Variants in CREBBP observed in about 807,000 individuals in gnomAD.
The protein encoded by CREBBP is CREB-binding protein.
A neutral mutation model predicts 265.0 loss-of-function variants in CREBBP; 19 were observed. The ratio of observed to expected loss-of-function variants is 0.07; its 90% CI spans 0.05 to 0.11. The LOEUF (loss-of-function observed/expected upper bound fraction) is 0.11. Ranked by LOEUF, CREBBP falls within the 10% of genes least tolerant of loss-of-function variation. CREBBP has a pLI of 1.00. For missense variants in CREBBP, 2,525 were observed against 3,219.0 expected (o/e 0.78, Z 5.22); for synonymous variants, 1,457 against 1,223.7 (o/e 1.19, Z -3.98).
intron 2 of CREBBP, among the ~76,000 whole-genome samples, chr16:3,842,554 C>T (rs180992280): frequency 6.6e-6 from 1 of 152,172 alleles, no homozygotes; most frequent in African/African-American, 2.4e-5. Context: ...ATCATGCCTT[C>T]TATCACAAAA....
In CREBBP at chr16:3,749,613, A is replaced by G. The variant is rs777311050; in HGVS notation, c.3836+14T>C. The G allele has an allele frequency of 1.3e-6, 2 of 1,578,146 alleles. No individual in the cohort carries two copies. Among genetic ancestry groups the G allele is most frequent in the Non-Finnish European group, 1.7e-6 (2 of 1,148,506 alleles). ...CCAAAACTGAAAGTAAAAAAGAAATAGCTATATACTTACGGTTCGGGGTCT... is the reference window on the plus strand; with the variant it reads ...CCAAAACTGAAAGTAAAAAAGAAATGGCTATATACTTACGGTTCGGGGTCT... On this transcript the variant is annotated intron_variant, in intron 21 of 30. Coordinates refer to ENST00000262367, the MANE Select transcript of CREBBP (RefSeq NM_004380.3).
intron 5 of CREBBP, among the ~76,000 whole-genome samples, chr16:3,787,612 C>T (rs1327269590): frequency 6.6e-6 from 1 of 151,724 alleles, no homozygotes; most frequent in Admixed American, 6.6e-5. Context: ...GATCTTGACT[C>T]CATATAAAAA....
intron 3 of CREBBP, among the ~76,000 whole-genome samples, chr16:3,806,864 A>G (rs1312395403): frequency 6.6e-6 from 1 of 151,288 alleles, no homozygotes; most frequent in Non-Finnish European, 1.5e-5. Flanking sequence ...ACCAGTTCCT[A>G]CGCAAGCCAG....
At chr16:3,758,678 G>A (rs2052641450) in intron 17 of CREBBP, among the ~76,000 whole-genome samples, 176 bp downstream of exon 17, 1 of 152,158 alleles carries the variant, frequency 6.6e-6, no homozygotes, top group Admixed American at 6.5e-5. Context: ...ATGAACAGGT[G>A]AAATCAAACA....
At chr16:3,784,608 G>A (rs1468420255) in intron 5 of CREBBP, 1 of 152,234 alleles carries the variant, frequency 6.6e-6, no homozygotes, top group Admixed American at 6.5e-5. Context: ...TGCGCTGTAA[G>A]GAAGAACAGG....
At chr16:3,806,751 T>G (rs1230421964) in intron 3 of CREBBP, among the ~76,000 whole-genome samples, 5 of 152,140 alleles carry the variant, frequency 3.3e-5, no homozygotes, top group Non-Finnish European at 5.9e-5. Flanking sequence ...TGTAAGCCGA[T>G]GGCCCATCTT....
chr16:3,748,725 C>T (rs1376592363), intron 21 of CREBBP, among the ~76,000 whole-genome samples: 3 of 152,156 alleles, frequency 2.0e-5, no homozygotes, highest in South Asian at 2.1e-4. Flanking sequence ...CAATTTGGAG[C>T]GCCCTCAGAA....
chr16:3,869,168 C>T (rs1244729908), intron 1 of CREBBP, among the ~76,000 whole-genome samples: 1 of 152,136 alleles, frequency 6.6e-6, no homozygotes, highest in East Asian at 1.9e-4. Flanking sequence ...ACTTCCAATA[C>T]CCTTCAAAAC....
intron 11 of CREBBP, among the ~76,000 whole-genome samples, chr16:3,777,107 C>T (rs1160006603): frequency 2.0e-5 from 3 of 152,032 alleles, no homozygotes; most frequent in Non-Finnish European, 2.9e-5. Flanking sequence ...CTTTGGGAGG[C>T]TGAGGTGGAC....
intron 1 of CREBBP, among the ~76,000 whole-genome samples, chr16:3,863,056 T>C (rs1325611654): frequency 6.6e-6 from 1 of 152,192 alleles, no homozygotes; most frequent in East Asian, 1.9e-4. Flanking sequence ...TTAAACTAAC[T>C]GCAATAAAAA....
At chr16:3,849,440 T>TGTGTGTGTGTGTG (rs2054762152) in intron 2 of CREBBP, among the ~76,000 whole-genome samples, 17 of 14,862 alleles carry the variant, frequency 1.1e-3, no homozygotes, top group Non-Finnish European at 4.6e-3. Context: ...TGTGTGTGTG[T>TGTGTGTGTGTGTG]GTGTGTGTGT....
intron 2 of CREBBP, among the ~76,000 whole-genome samples, chr16:3,837,081 T>C (rs1159420099): frequency 3.9e-5 from 6 of 152,214 alleles, no homozygotes; most frequent in Admixed American, 2.0e-4. Flanking sequence ...TTAAGTTAAC[T>C]GTAAAACAGC....
chr16:3,732,468 G>A (rs772649588), intron 28 of CREBBP, among the ~76,000 whole-genome samples: 4 of 152,198 alleles, frequency 2.6e-5, no homozygotes, highest in Non-Finnish European at 5.9e-5. Flanking sequence ...CATCAGTGCT[G>A]CGCCTGACTG....
chr16:3,845,508 T>C (rs1340028619), intron 2 of CREBBP, among the ~76,000 whole-genome samples: 1 of 152,122 alleles, frequency 6.6e-6, no homozygotes, highest in Non-Finnish European at 1.5e-5. Flanking sequence ...ACTAAATAAA[T>C]GGTACTAAGA....
At chr16:3,776,414 G>C (rs1198263682) in intron 11 of CREBBP, among the ~76,000 whole-genome samples, 1 of 152,124 alleles carries the variant, frequency 6.6e-6, no homozygotes, top group Non-Finnish European at 1.5e-5. Flanking sequence ...CCAAAAACCA[G>C]AGGCTCTCTA....
chr16:3,757,537 T>A (rs1444396472), intron 18 of CREBBP, among the ~76,000 whole-genome samples, 161 bp from the exon 19 acceptor site: 1 of 152,178 alleles, frequency 6.6e-6, no homozygotes, highest in East Asian at 1.9e-4. Context: ...GGATAGCATG[T>A]GATAGAACTG....
rs767156418 is a variant in CREBBP, at chr16:3,729,341, C to T, written c.5706G>A (p.Thr1902=). ...GTTGGGGCTGGGCAGGGGGCTGCGG[C>T]GTCTGGGGTGTGCTGGGCTGCTGTG... ...TPTQQPSTPQ[T]PQPPAQPQPS... Residue 1902 remains threonine, a synonymous_variant, in exon 31 of 31, where the codon ACG becomes ACA. Transcript: ENST00000262367. The T allele has an allele frequency of 1.6e-5, 26 of 1,590,354 alleles. No homozygotes were observed. The Middle Eastern group carries it at 5.0e-4, about 31-fold the overall frequency.
At chr16:3,875,739 A>G (rs1174848747) in intron 1 of CREBBP, among the ~76,000 whole-genome samples, 1 of 152,150 alleles carries the variant, frequency 6.6e-6, no homozygotes, top group Non-Finnish European at 1.5e-5. Context: ...ACCCTGTATC[A>G]CCTCTCAAGT....
At chr16:3,745,871 A>G (rs1182538189) in intron 21 of CREBBP, among the ~76,000 whole-genome samples, 1 of 152,256 alleles carries the variant, frequency 6.6e-6, no homozygotes, top group Non-Finnish European at 1.5e-5. Context: ...GTTCTGAGTC[A>G]GTTACAAAAG....
Sources: gnomAD v4.1 joint callset for allele counts (sites outside exome capture counted in the v4.1 genomes callset) on GRCh38, gnomAD v4.1.1 for gene constraint, MANE v1.5 for transcripts, NCBI Gene and HGNC (gene_info 2026-07-23, HGNC 2026-07-21) for gene names.